PIK3R3: variants seen among roughly 807,000 people sequenced by gnomAD.
The protein encoded by PIK3R3 is phosphoinositide-3-kinase regulatory subunit 3.
In PIK3R3, 64 loss-of-function variants were observed where a neutral mutation model predicts 62.9. That is an observed-to-expected ratio of 1.02 (90% CI 0.83 to 1.25). The LOEUF (loss-of-function observed/expected upper bound fraction) is 1.25, where lower values mean the gene tolerates loss of function less well. Ranked by LOEUF, PIK3R3 falls within the 50% of genes most tolerant of loss-of-function variation. PIK3R3 has a pLI of 0.00. For synonymous variants in PIK3R3, 165 were observed against 189.0 expected, an observed-to-expected ratio of 0.87 and a Z score of 1.04; for missense variants, 614 against 561.6, an observed-to-expected ratio of 1.09 and a Z score of -0.94.
chr1:46,082,193 A>G (rs976511117), intron 1 of PIK3R3, among the ~76,000 whole-genome samples: 3 of 152,158 alleles, frequency 2.0e-5, no homozygotes, highest in Non-Finnish European at 2.9e-5. Context: ...GCCCCAATAC[A>G]ATACACTAAA....
At chr1:46,162,458 G>A in the PIK3R3 span, among the ~76,000 whole-genome samples, 1 of 152,054 alleles carries the variant, frequency 6.6e-6, no homozygotes, top group African/African-American at 2.4e-5. Flanking sequence ...GTGACAGAGT[G>A]AGACTCCATC....
chr1:46,128,153 G>A (rs1368645608), intron 1 of PIK3R3, among the ~76,000 whole-genome samples: 1 of 152,170 alleles, frequency 6.6e-6, no homozygotes, highest in Non-Finnish European at 1.5e-5. Flanking sequence ...TAAGATGAAA[G>A]GCTAGGCATA....
intron 3 of PIK3R3, among the ~76,000 whole-genome samples, chr1:46,070,255 G>A (rs1396506235): frequency 6.6e-6 from 1 of 152,206 alleles, no homozygotes; most frequent in Non-Finnish European, 1.5e-5. Context: ...AGATTAGAGG[G>A]ATGGGATGGG....
At chr1:46,077,991 C>G (rs1387498852) in intron 2 of PIK3R3, among the ~76,000 whole-genome samples, 1 of 152,174 alleles carries the variant, frequency 6.6e-6, no homozygotes, top group Non-Finnish European at 1.5e-5. Flanking sequence ...ACAGTGGCAG[C>G]TGTTTCTGAA....
chr1:46,135,046 C>CT (rs1371188844), upstream of PIK3R3, among the ~76,000 whole-genome samples: 1 of 152,214 alleles, frequency 6.6e-6, no homozygotes, highest in Non-Finnish European at 1.5e-5. Context: ...GGGAAGCAAA[C>CT]TTTCTTAGTC....
At chr1:46,137,329 C>T (rs1655967411), upstream of PIK3R3, among the ~76,000 whole-genome samples, 1 of 152,150 alleles carries the variant, frequency 6.6e-6, no homozygotes, top group Non-Finnish European at 1.5e-5. Flanking sequence ...TAATTAAAGA[C>T]ACAATAAGCG....
chr1:46,074,626 C>T (rs1571419253), intron 3 of PIK3R3, among the ~76,000 whole-genome samples: 1 of 150,764 alleles, frequency 6.6e-6, no homozygotes, highest in African/African-American at 2.5e-5. Flanking sequence ...ATTATGGTTT[C>T]CTCAGGCAAT....
At chr1:46,046,427 G>A (rs773150335) in intron 8 of PIK3R3, 124 bp downstream of exon 8, 19 of 716,144 alleles carry the variant, frequency 2.7e-5, no homozygotes, top group Non-Finnish European at 4.1e-5. Flanking sequence ...TCAAAAGATA[G>A]TCAAAGTTCT....
intron 1 of PIK3R3, among the ~76,000 whole-genome samples, chr1:46,118,254 C>A (rs1164284948): frequency 6.6e-6 from 1 of 152,072 alleles, no homozygotes; most frequent in Non-Finnish European, 1.5e-5. Context: ...AGCTATATAA[C>A]TAGTAACATT....
upstream of PIK3R3, chr1:46,132,855 C>A: frequency 8.3e-7 from 1 of 1,204,220 alleles, no homozygotes; most frequent in South Asian, 1.5e-5. Flanking sequence ...GTCTCCCCAC[C>A]GCTCTCTAGG....
chr1:46,156,607 C>G, the PIK3R3 span, among the ~76,000 whole-genome samples: 1 of 152,112 alleles, frequency 6.6e-6, no homozygotes, highest in Non-Finnish European at 1.5e-5. Context: ...ATAACAGAGC[C>G]TGACCGGGTC....
chr1:46,071,730 T>TAGAGAGAGAGAGAG (rs140765040), intron 3 of PIK3R3, among the ~76,000 whole-genome samples: 3 of 59,064 alleles, frequency 5.1e-5, no homozygotes, highest in Admixed American at 2.2e-4. Flanking sequence ...TATATATATA[T>TAGAGAGAGAGAGAG]AGAGAGAGAG....
intron 1 of PIK3R3, among the ~76,000 whole-genome samples, chr1:46,082,256 T>A (rs1650667429): frequency 6.6e-6 from 1 of 152,040 alleles, no homozygotes; most frequent in Admixed American, 6.6e-5. Context: ...ATAAACTGAA[T>A]CTAATCATAA....
At chr1:46,119,002 A>T (rs564876281) in intron 1 of PIK3R3, among the ~76,000 whole-genome samples, 1 of 151,784 alleles carries the variant, frequency 6.6e-6, no homozygotes. Flanking sequence ...CACACCTGTT[A>T]TATTTCCATA....
In PIK3R3 at chr1:46,044,956, A is replaced by G. The variant is rs1647071399; in HGVS notation, c.1187+962T>C. Among the ~76,000 whole-genome samples, 1 of 152,240 alleles carries G rather than the reference A, an allele frequency of 6.6e-6. No homozygotes were observed. On this transcript the variant is annotated intron_variant, in intron 9 of 9. Transcript: ENST00000262741. The surrounding 1 kb of genome is among the most constrained non-coding windows in gnomAD (Gnocchi z 4.2). ...ATAAAGCACTGAGCAGTCTGTTAATATGAATGCCTTTCGCCTACCTTCTCC... is the reference window on the plus strand; with the variant it reads ...ATAAAGCACTGAGCAGTCTGTTAATGTGAATGCCTTTCGCCTACCTTCTCC...
At chr1:46,092,693 T>A (rs1334821500) in intron 1 of PIK3R3, among the ~76,000 whole-genome samples, 1 of 152,106 alleles carries the variant, frequency 6.6e-6, no homozygotes, top group Non-Finnish European at 1.5e-5. Context: ...CTTACTCCAA[T>A]AATCCCAGTT....
At chr1:46,071,720 T>C (rs552474823) in intron 3 of PIK3R3, among the ~76,000 whole-genome samples, 1 of 29,504 alleles carries the variant, frequency 3.4e-5, no homozygotes, top group African/African-American at 1.4e-4. Context: ...AAAATATATA[T>C]ATATATATAT....
intron 1 of PIK3R3, among the ~76,000 whole-genome samples, chr1:46,089,712 C>T (rs1314743027): frequency 7.1e-6 from 1 of 139,970 alleles, no homozygotes; most frequent in Non-Finnish European, 1.5e-5. Flanking sequence ...GAGACTCCAT[C>T]TCAAAAAAAA....
At chr1:46,147,510 C>T in the PIK3R3 span, among the ~76,000 whole-genome samples, 3 of 151,990 alleles carry the variant, frequency 2.0e-5, no homozygotes, top group South Asian at 2.1e-4. Flanking sequence ...CTCTGCCTCC[C>T]GAGTGCACGC....
Sources: gnomAD v4.1 joint callset for allele counts (sites outside exome capture counted in the v4.1 genomes callset) on GRCh38, gnomAD v4.1.1 for gene constraint, Gnocchi (gnomAD v3.1) non-coding constraint, MANE v1.5 for transcripts, NCBI Gene and HGNC (gene_info 2026-07-23, HGNC 2026-07-21) for gene names.